Variants in SLK observed in about 807,000 individuals in gnomAD.
SLK encodes the protein STE20 like kinase, also known as STE20-like serine/threonine-protein kinase.
SLK carries 67 observed loss-of-function variants against 147.7 expected under a neutral mutation model. That is an observed-to-expected ratio of 0.45 (90% CI 0.37 to 0.56). SLK has a LOEUF of 0.56. Among genes scored for constraint, SLK ranks in the 20% least tolerant of loss-of-function variants. The pLI is 0.00. For missense variants in SLK, 1,136 were observed against 1,438.8 expected, an observed-to-expected ratio of 0.79 and a Z score of 3.41; for synonymous variants, 441 against 475.0, an observed-to-expected ratio of 0.93 and a Z score of 0.93.
Position 104,002,331 on chromosome 10 carries a change from C to T in SLK, c.1153C>T (p.Pro385Ser). 1 of 1,613,538 alleles carries T rather than the reference C, an allele frequency of 6.2e-7. No homozygotes were observed. The highest frequency in any genetic ancestry group is 8.5e-7 in the Non-Finnish European group (1 of 1,179,632). The change falls in exon 9 of 19, where the codon CCC becomes TCC. Residue 385 changes from proline to serine, a missense_variant. Physicochemically the swap from Pro to Ser is moderately conservative, Grantham distance 74. Around this residue, in one of 6 missense-constraint regions of SLK, gnomAD observed 516 missense variants for 531.3 expected, o/e 0.97. Coordinates refer to ENST00000369755, the MANE Select transcript of SLK (RefSeq NM_014720.4). ...KLNSKILNEK[P>S]TTDEPEKAVE... The stretch of plus-strand genomic sequence containing the variant: ...CAACAGCAAAATTCTTAATGAAAAA[C>T]CCACCACTGATGAACCTGAAAAGGC...
At chr10:103,999,622 T>G (rs572047679) in intron 6 of SLK, among the ~76,000 whole-genome samples, 1 of 152,206 alleles carries the variant, frequency 6.6e-6, no homozygotes, top group Admixed American at 6.5e-5. Flanking sequence ...AATTTTGTGC[T>G]TTTTGGCATA....
chr10:103,984,605 G>C (rs1360165435), intron 1 of SLK, among the ~76,000 whole-genome samples: 1 of 152,306 alleles, frequency 6.6e-6, no homozygotes, highest in South Asian at 2.1e-4. Flanking sequence ...GGTAGAGACA[G>C]TATTTCGCCA....
chr10:104,020,447 A>G, intron 16 of SLK, 41 bp from the exon 17 acceptor site: 10 of 1,558,808 alleles, frequency 6.4e-6, no homozygotes, highest in Non-Finnish European at 8.7e-6. Flanking sequence ...TAGAAATCAC[A>G]TGCTTCTGAA....
intron 1 of SLK, among the ~76,000 whole-genome samples, chr10:103,968,531 A>C (rs1362860079): frequency 6.6e-6 from 1 of 152,238 alleles, no homozygotes; most frequent in Non-Finnish European, 1.5e-5. Context: ...AGTTAAAAAC[A>C]CACACGCATG....
chr10:104,002,816 T>C lies in SLK; in HGVS notation c.1638T>C (p.Ser546=). 1 of 1,613,932 alleles carries C rather than the reference T, an allele frequency of 6.2e-7. No individual in the cohort carries two copies. Among genetic ancestry groups the C allele is most frequent in the Non-Finnish European group, 8.5e-7 (1 of 1,179,976 alleles). The change falls in exon 9 of 19, where the codon AGT becomes AGC. Residue 546 remains serine (S), a synonymous_variant. Coordinates refer to ENST00000369755, the MANE Select transcript of SLK (RefSeq NM_014720.4). ...AAAAAGATGTGATCAGCAATACAAGTGATGTGATAGGAACATGTGAGGCAG... is the reference window on the plus strand; with the variant it reads ...AAAAAGATGTGATCAGCAATACAAGCGATGTGATAGGAACATGTGAGGCAG... ...KTQKDVISNT[S]DVIGTCEAAD...
At chr10:103,994,638 A>G (rs1007509617) in intron 4 of SLK, among the ~76,000 whole-genome samples, 4 of 152,218 alleles carry the variant, frequency 2.6e-5, no homozygotes, top group South Asian at 4.1e-4. Context: ...AGGCCCCAGT[A>G]CATGAAGAGA....
intron 2 of SLK, among the ~76,000 whole-genome samples, chr10:103,991,991 A>G (rs535626681): frequency 1.3e-3 from 192 of 152,016 alleles, no homozygotes; most frequent in African/African-American, 4.4e-3. Context: ...TAATTAATCA[A>G]ATAATCACAA....
At chr10:104,009,771 A>AATTAC (rs1844375490) in intron 12 of SLK, among the ~76,000 whole-genome samples, 1 of 148,916 alleles carries the variant, frequency 6.7e-6, no homozygotes, top group African/African-American at 2.5e-5. Context: ...TATTTTAAAT[A>AATTAC]ATTACATTAT....
In SLK at chr10:104,002,206, T is replaced by C; in HGVS notation, c.1028T>C (p.Leu343Pro). 1 of 1,599,584 alleles carries C rather than the reference T, an allele frequency of 6.3e-7. No individual in the cohort carries two copies. Among genetic ancestry groups the C allele is most frequent in the Non-Finnish European group, 8.5e-7 (1 of 1,172,924 alleles). The change falls in exon 9 of 19, where the codon CTT becomes CCT. Residue 343 changes from leucine to proline, a missense_variant. Around this residue, in one of 6 missense-constraint regions of SLK, gnomAD observed 516 missense variants for 531.3 expected, o/e 0.97. Transcript: ENST00000369755. ...IPASKRASSD[L>P]SIASSEEDKL... Reference sequence around the variant, plus strand: ...GCAAGTAAGCGTGCATCTTCTGACCTTAGTATCGCCAGCTCTGAAGAAGAT... The same window carrying C: ...GCAAGTAAGCGTGCATCTTCTGACCCTAGTATCGCCAGCTCTGAAGAAGAT...
intron 2 of SLK, among the ~76,000 whole-genome samples, chr10:103,992,150 TTTTTTTTTTCTA>T (rs1220979411): frequency 6.9e-6 from 1 of 145,602 alleles, no homozygotes; most frequent in East Asian, 2.0e-4. Flanking sequence ...TGTTTTTTTT[TTTTTTTTTTCTA>T]AAAGAAGTCT....
chr10:104,015,427 T>G (rs1346238282), intron 13 of SLK, among the ~76,000 whole-genome samples: 10 of 152,220 alleles, frequency 6.6e-5, no homozygotes, highest in Admixed American at 6.5e-4. Context: ...AGGCAGTCAT[T>G]GTGAGGCATG....
intron 1 of SLK, among the ~76,000 whole-genome samples, chr10:103,972,021 A>G (rs938862831): frequency 1.3e-5 from 2 of 152,180 alleles, no homozygotes; most frequent in African/African-American, 4.8e-5. Context: ...TATGCACTTG[A>G]ACTTTATATG....
chr10:103,979,593 T>C (rs1480029922), intron 1 of SLK, among the ~76,000 whole-genome samples: 43 of 152,190 alleles, frequency 2.8e-4, no homozygotes, highest in Non-Finnish European at 1.8e-4. Flanking sequence ...TGTGCCCTGA[T>C]GGATGTGAAG....
chr10:104,001,896 AGTAGAGATGGG>A (rs1844253073), intron 8 of SLK, among the ~76,000 whole-genome samples: 1 of 151,958 alleles, frequency 6.6e-6, no homozygotes, highest in Non-Finnish European at 1.5e-5. Flanking sequence ...TTGTATTTTT[AGTAGAGATGGG>A]GTTTCACCAT....
At chr10:104,011,446 C>G (rs1340267935) in intron 13 of SLK, among the ~76,000 whole-genome samples, 2 of 152,006 alleles carry the variant, frequency 1.3e-5, no homozygotes, top group Non-Finnish European at 2.9e-5. Context: ...CCTTGTTTTT[C>G]TTTTTGGTTC....
chr10:103,978,386 G>A (rs2134450217), intron 1 of SLK, among the ~76,000 whole-genome samples: 1 of 152,080 alleles, frequency 6.6e-6, no homozygotes. Flanking sequence ...GTGTCTCTAT[G>A]TCAAGGTACA....
chr10:104,022,422 GT>G (rs1328769169), intron 18 of SLK, among the ~76,000 whole-genome samples: 2 of 152,124 alleles, frequency 1.3e-5, no homozygotes, highest in Non-Finnish European at 2.9e-5. Flanking sequence ...TTTCACCTGA[GT>G]TTTTGCTATC....
chr10:104,001,416 T>G lies in SLK; in HGVS notation c.865-28T>G, dbSNP rs142504432. 46 of 1,589,992 alleles carry G rather than the reference T, an allele frequency of 2.9e-5. No homozygotes were observed. In the East Asian group the frequency reaches 9.6e-4, roughly 33 times the overall value. On this transcript the variant is annotated intron_variant, in intron 7 of 18. Coordinates refer to ENST00000369755, the MANE Select transcript of SLK (RefSeq NM_014720.4). ...CTTAGTTTAGTAGTATTCCAGTTGT[T>G]GAGTATGTTCTTTTTAATGATCAAC...
At chr10:103,990,633 G>T (rs996946006) in intron 1 of SLK, 42 bp from the exon 2 acceptor site, 3 of 1,192,712 alleles carry the variant, frequency 2.5e-6, no homozygotes, top group Non-Finnish European at 1.2e-6. Flanking sequence ...ATTAGAAAAT[G>T]ATGCATTTGA....
Sources: gnomAD v4.1 joint callset for allele counts (sites outside exome capture counted in the v4.1 genomes callset) on GRCh38, gnomAD v4.1.1 for gene constraint, gnomAD v4.1.1 regional missense constraint, MANE v1.5 for transcripts, NCBI Gene and HGNC (gene_info 2026-07-23, HGNC 2026-07-21) for gene names.